Variants in SLC9A7 observed in about 807,000 individuals in gnomAD.
SLC9A7 encodes the protein sodium/hydrogen exchanger 7.
In SLC9A7, 19 loss-of-function variants were observed where a neutral mutation model predicts 52.6. The observed-to-expected ratio is 0.36, with a 90% CI of 0.25 to 0.53. SLC9A7 has a LOEUF of 0.53. SLC9A7 is among the 20% of genes least tolerant of loss of function. The pLI is 0.91. For synonymous variants in SLC9A7, 226 were observed against 252.1 expected, an observed-to-expected ratio of 0.90 and a Z score of 0.98; for missense variants, 455 against 597.9, an observed-to-expected ratio of 0.76 and a Z score of 2.49.
rs1380337624 is a variant in SLC9A7, at chrX:46,607,091, G to T, written c.2042C>A (p.Thr681Asn). 3.3e-6 allele frequency: 4 copies of T among 1,209,656 alleles called. No individual in the cohort carries two copies. Among genetic ancestry groups the T allele is most frequent in the East Asian group, 3.0e-5 (1 of 33,753 alleles). Residue 681 changes from threonine to asparagine, a missense_variant, in exon 17 of 17, where the codon ACC becomes AAC. This residue lies in a region of SLC9A7 where 146 missense variants were observed against 160.5 expected (regional missense o/e 0.91). Coordinates refer to ENST00000616978, the MANE Select transcript of SLC9A7 (RefSeq NM_001257291.2). ...GCTGCCCTCCAGACTCGTGGAGGCG[G>T]TGTGCGAACTTGAGGAGCCATTTGC... is the stretch of plus-strand genomic sequence containing the variant. ...VTANGSSSSHTASTSLEGSRR... is the reference protein window; with the variant it reads ...VTANGSSSSHNASTSLEGSRR...
At chrX:46,683,758 A>T (rs193119676) in intron 1 of SLC9A7, among the ~76,000 whole-genome samples, 1 of 112,348 alleles carries the variant, frequency 8.9e-6, no homozygotes, top group Non-Finnish European at 1.9e-5. Context: ...AATTCTCTAG[A>T]AGGAAAATTT....
chrX:46,731,866 G>A (rs1336422231), intron 1 of SLC9A7, among the ~76,000 whole-genome samples: 3 of 111,117 alleles, frequency 2.7e-5, no homozygotes, highest in Non-Finnish European at 5.7e-5. Flanking sequence ...AAAAAAATAC[G>A]AATGGCCCTT....
In SLC9A7 at chrX:46,755,172, C is replaced by T. The variant is rs782319994; in HGVS notation, c.325+3533G>A. Among the ~76,000 whole-genome samples, 8 of 112,329 alleles carry T rather than the reference C, an allele frequency of 7.1e-5. No individual in the cohort carries two copies. The South Asian group carries it at 2.9e-3, about 41-fold the overall frequency. ...AGTTCCTTTCTGTTTAAACGTTAAG[C>T]ATTCACAGTGTGTCTTTTATTTTCC... On this transcript the variant is annotated intron_variant, in intron 1 of 16. Transcript: ENST00000616978.
chrX:46,705,613 T>C (rs939994842), intron 1 of SLC9A7, among the ~76,000 whole-genome samples: 2 of 111,475 alleles, frequency 1.8e-5, no homozygotes, highest in Non-Finnish European at 3.8e-5. Context: ...GGCAGGAGGA[T>C]TGCTTGAGCT....
intron 2 of SLC9A7, among the ~76,000 whole-genome samples, chrX:46,681,081 A>C (rs1445286069): frequency 8.9e-6 from 1 of 112,214 alleles, no homozygotes; most frequent in African/African-American, 3.3e-5. Flanking sequence ...CTATGTCAAC[A>C]TGTCTCTTTT....
chrX:46,606,778 C>T lies in SLC9A7; in HGVS notation c.*174G>A. The T allele has an allele frequency of 9.1e-7, 1 of 1,095,424 alleles. No individual in the cohort carries two copies. The allele number at this position is 1,095,424 out of a possible 1,213,427, so 90.3% of individuals were successfully genotyped here. A position where few individuals can be genotyped will look rare whatever the true frequency, so the allele number is the denominator to read the frequency against. The stretch of plus-strand genomic sequence containing the variant: ...TTGTCTGAATTTAGAGACACTTTTG[C>T]CTCACCATCTGCATTGTGAGTTAAA... On this transcript the variant is annotated 3_prime_UTR_variant, in exon 17 of 17. Coordinates refer to ENST00000616978, the MANE Select transcript of SLC9A7 (RefSeq NM_001257291.2).
intron 14 of SLC9A7, among the ~76,000 whole-genome samples, chrX:46,629,525 C>T (rs1427908254): frequency 8.9e-6 from 1 of 111,954 alleles, no homozygotes; most frequent in Non-Finnish European, 1.9e-5. Flanking sequence ...TACTACATGA[C>T]CAGCCAAATC....
intron 1 of SLC9A7, chrX:46,684,809 A>G (rs1170430759): frequency 1.0e-4 from 14 of 135,165 alleles, no homozygotes; most frequent in Non-Finnish European, 3.0e-5. Flanking sequence ...TCTCTTTGCC[A>G]TCTTGTGGTT....
intron 11 of SLC9A7, among the ~76,000 whole-genome samples, chrX:46,646,040 T>C (rs751929594): frequency 1.8e-5 from 2 of 112,456 alleles, no homozygotes; most frequent in Admixed American, 1.9e-4. Context: ...ACTCATCAAG[T>C]AGAGCCAGCC....
chrX:46,729,202 T>A (rs1478889881), intron 1 of SLC9A7, among the ~76,000 whole-genome samples: 1 of 112,426 alleles, frequency 8.9e-6, no homozygotes, highest in Admixed American at 9.4e-5. Flanking sequence ...TTTGAGTGAA[T>A]TAATGAATGA....
At chrX:46,655,736 C>T (rs902178156) in intron 7 of SLC9A7, among the ~76,000 whole-genome samples, 5 of 112,702 alleles carry the variant, frequency 4.4e-5, no homozygotes, top group African/African-American at 1.6e-4. Context: ...CATGGAGTCT[C>T]GCTGATTGCT....
At chrX:46,613,191 G>A (rs1469837082) in intron 16 of SLC9A7, 98 bp downstream of exon 16, 1 of 535,711 alleles carries the variant, frequency 1.9e-6, no homozygotes, top group African/African-American at 2.3e-5. Flanking sequence ...GCAAAAATCT[G>A]TGGATTTGGA....
chrX:46,738,108 A>AAAGG, intron 1 of SLC9A7, among the ~76,000 whole-genome samples: 1 of 48,588 alleles, frequency 2.1e-5, no homozygotes, highest in Non-Finnish European at 7.1e-5. Context: ...AGAAAGAAAG[A>AAAGG]GAAAAGAAAA....
At chrX:46,725,778 A>G (rs879153803) in intron 1 of SLC9A7, 2 of 893,161 alleles carry the variant, frequency 2.2e-6, no homozygotes, top group East Asian at 3.1e-5. Context: ...CAGGCTGGGC[A>G]GTGGAGCCTT....
intron 1 of SLC9A7, among the ~76,000 whole-genome samples, chrX:46,752,818 T>C (rs1211713230): frequency 1.8e-5 from 2 of 111,449 alleles, no homozygotes; most frequent in Non-Finnish European, 3.8e-5. Context: ...TGTGGGGTGA[T>C]AGTACTTTGC....
chrX:46,754,354 A>G (rs1268071641), intron 1 of SLC9A7, among the ~76,000 whole-genome samples: 1 of 111,760 alleles, frequency 8.9e-6, no homozygotes, highest in Non-Finnish European at 1.9e-5. Context: ...AATGCTATAC[A>G]GTTTTATAAG....
intron 5 of SLC9A7, among the ~76,000 whole-genome samples, chrX:46,668,895 C>T (rs1008757853): frequency 9.9e-5 from 11 of 111,522 alleles, no homozygotes; most frequent in African/African-American, 2.3e-4. Flanking sequence ...AGGCTGGGCA[C>T]GGTGGCTCAC....
chrX:46,700,736 T>A (rs772729858), intron 1 of SLC9A7, among the ~76,000 whole-genome samples: 1 of 112,033 alleles, frequency 8.9e-6, no homozygotes, highest in East Asian at 2.8e-4. Flanking sequence ...AGTTGACTAA[T>A]ACACCATCTT....
In SLC9A7 at chrX:46,616,098, A is replaced by G. The variant is rs375542153; in HGVS notation, c.1824-2704T>C. On this transcript the variant is annotated intron_variant, in intron 15 of 16. Coordinates refer to ENST00000616978, the MANE Select transcript of SLC9A7 (RefSeq NM_001257291.2). ...CACTTTGCGAGGCTAAGGCAGGCAG[A>G]TGGCTTGAGCCCAGAAATTCAAGAC... 5.5e-5 allele frequency among the ~76,000 whole-genome samples: 6 copies of G among 108,171 alleles called. No homozygotes were observed. In the East Asian group the frequency reaches 1.8e-3, roughly 32 times the overall value. The allele number at this position is 108,171 out of a possible 115,157, so 93.9% of individuals were successfully genotyped here.
Sources: allele counts gnomAD v4.1 joint callset (sites outside exome capture counted in the v4.1 genomes callset), GRCh38; gene constraint gnomAD v4.1.1; regional missense constraint gnomAD v4.1.1; transcripts MANE v1.5; gene names NCBI Gene and HGNC (gene_info 2026-07-23, HGNC 2026-07-21).